NMNAT2: variants seen among roughly 807,000 people sequenced by gnomAD.
The protein encoded by NMNAT2 is nicotinamide/nicotinic acid mononucleotide adenylyltransferase 2.
Under a neutral mutation model 41.6 loss-of-function variants are expected in NMNAT2, and 11 were observed. That is an observed-to-expected ratio of 0.26 (90% CI 0.17 to 0.44). NMNAT2 has a LOEUF of 0.44. Among genes scored for constraint, NMNAT2 ranks in the 20% least tolerant of loss-of-function variants. The pLI is 1.00. For synonymous variants in NMNAT2, 148 were observed against 151.2 expected, an observed-to-expected ratio of 0.98 and a Z score of 0.16; for missense variants, 288 against 407.7, an observed-to-expected ratio of 0.71 and a Z score of 2.53.
At chr1:183,416,182 G>C (rs750072267) in intron 1 of NMNAT2, among the ~76,000 whole-genome samples, 2 of 152,226 alleles carry the variant, frequency 1.3e-5, no homozygotes, top group Non-Finnish European at 2.9e-5. Context: ...AGAATCTTCA[G>C]CTACAAGACA....
intron 1 of NMNAT2, among the ~76,000 whole-genome samples, chr1:183,404,762 G>C (rs1648908261): frequency 6.6e-6 from 1 of 152,146 alleles, no homozygotes; most frequent in African/African-American, 2.4e-5. Context: ...GTTGGTCTAG[G>C]GTGGAAGCAT....
intron 1 of NMNAT2, among the ~76,000 whole-genome samples, chr1:183,417,679 C>T (rs925204514): frequency 3.9e-5 from 6 of 152,214 alleles, no homozygotes; most frequent in African/African-American, 1.4e-4. Context: ...TCTTGAAGCC[C>T]CAGCCCCTGT....
Position 183,418,377 on chromosome 1 carries a change from C to A in NMNAT2, c.-110G>T. 1.0e-6 allele frequency: 1 copy of A among 1,001,972 alleles called. No homozygotes were observed. Among genetic ancestry groups the A allele is most frequent in the Non-Finnish European group, 1.6e-6 (1 of 641,552 alleles). The allele number at this position is 1,001,972 out of a possible 1,614,324, so 62.1% of individuals were successfully genotyped here. A position where few individuals can be genotyped will look rare whatever the true frequency, so the allele number is the denominator to read the frequency against. On this transcript the variant is annotated 5_prime_UTR_variant, in exon 1 of 11. Coordinates refer to ENST00000287713, the MANE Select transcript of NMNAT2 (RefSeq NM_015039.4). ...AGGCTCCGGCGGTGGATGCTGTGGA[C>A]TCCAAGGAGCCGCTCCAGACGCAAA...
chr1:183,390,113 G>A (rs539623696), intron 1 of NMNAT2, among the ~76,000 whole-genome samples: 13 of 152,204 alleles, frequency 8.5e-5, no homozygotes, highest in African/African-American at 2.9e-4. Context: ...GGCAGCAGTG[G>A]TACGGGAAGG....
chr1:183,296,150 G>A (rs982706628), intron 1 of NMNAT2, among the ~76,000 whole-genome samples: 24 of 151,812 alleles, frequency 1.6e-4, no homozygotes, highest in African/African-American at 4.3e-4. Flanking sequence ...GCGCCCGGCC[G>A]GCAGCTCATT....
chr1:183,263,937 C>T (rs1020519980), intron 8 of NMNAT2, among the ~76,000 whole-genome samples: 1 of 151,964 alleles, frequency 6.6e-6, no homozygotes, highest in Non-Finnish European at 1.5e-5. Flanking sequence ...GGTCTAAGTA[C>T]TGAATTAAAG....
chr1:183,382,088 A>G (rs1323419492), intron 1 of NMNAT2, among the ~76,000 whole-genome samples: 1 of 152,276 alleles, frequency 6.6e-6, no homozygotes, highest in Non-Finnish European at 1.5e-5. Context: ...ACAGTTTCAT[A>G]TGCTGCACAG....
rs180674835 is a variant in NMNAT2, at chr1:183,328,233, G to C, written c.86-34440C>G. On this transcript the variant is annotated intron_variant, in intron 1 of 10. Coordinates refer to ENST00000287713, the MANE Select transcript of NMNAT2 (RefSeq NM_015039.4). ...CGCAGGCCAGGACCCTGGCTTCCTG[G>C]CTCCCTGGCTTCCTCCCCACCCATC... Among the ~76,000 whole-genome samples the C allele has an allele frequency of 2.9e-3, 446 of 152,090 alleles. 1 individual carries two copies. The highest frequency in any genetic ancestry group is 5.2e-3 in the Non-Finnish European group (350 of 67,946).
At chr1:183,398,557 G>A (rs189612190) in intron 1 of NMNAT2, among the ~76,000 whole-genome samples, 11 of 152,066 alleles carry the variant, frequency 7.2e-5, no homozygotes, top group East Asian at 3.9e-4. Context: ...TGCACCAAGG[G>A]GACCTAATAG....
Position 183,319,084 on chromosome 1 carries a change from C to G in NMNAT2, c.86-25291G>C, listed in dbSNP as rs150409382. On this transcript the variant is annotated intron_variant, in intron 1 of 10. Coordinates refer to ENST00000287713, the MANE Select transcript of NMNAT2 (RefSeq NM_015039.4). ...CATGCCCCATACCCCCACATACACA[C>G]TACCTACCACTGTGCTGCAGCAGAA... Among the ~76,000 whole-genome samples, 267 of 152,336 alleles carry G rather than the reference C, an allele frequency of 1.8e-3. 2 individuals are homozygous for G. The highest frequency in any genetic ancestry group is 6.3e-3 in the African/African-American group (260 of 41,586).
intron 1 of NMNAT2, among the ~76,000 whole-genome samples, chr1:183,344,787 A>G (rs186994578): frequency 3.2e-4 from 48 of 152,332 alleles, no homozygotes; most frequent in Admixed American, 2.9e-3. Context: ...TACCTCATTT[A>G]AACGCTATTT....
chr1:183,364,141 C>G (rs1663365774), intron 1 of NMNAT2, among the ~76,000 whole-genome samples: 1 of 152,140 alleles, frequency 6.6e-6, no homozygotes, highest in African/African-American at 2.4e-5. Flanking sequence ...ACTAATTTTG[C>G]AATAATTTAT....
At chr1:183,278,233 G>A (rs192293602) in intron 8 of NMNAT2, among the ~76,000 whole-genome samples, 45 of 152,244 alleles carry the variant, frequency 3.0e-4, no homozygotes, top group African/African-American at 1.0e-3. Context: ...AATCTTAAAA[G>A]GGCAAAGATT....
intron 1 of NMNAT2, among the ~76,000 whole-genome samples, chr1:183,384,768 AAC>A (rs1183889014): frequency 6.6e-6 from 1 of 152,244 alleles, no homozygotes; most frequent in Admixed American, 6.5e-5. Flanking sequence ...AGCACAGAGT[AAC>A]ACAAATGTGA....
At chr1:183,260,620 C>A (rs1210219574) in intron 10 of NMNAT2, among the ~76,000 whole-genome samples, 1 of 152,072 alleles carries the variant, frequency 6.6e-6, no homozygotes, top group Non-Finnish European at 1.5e-5. Context: ...GAGTTCGAGA[C>A]CAGCCTGGCC....
chr1:183,377,465 T>C (rs1374825921), intron 1 of NMNAT2, among the ~76,000 whole-genome samples: 1 of 152,014 alleles, frequency 6.6e-6, no homozygotes, highest in Non-Finnish European at 1.5e-5. Context: ...GTACAGACAT[T>C]GACAAAAATT....
chr1:183,346,459 G>A (rs141902060), intron 1 of NMNAT2, among the ~76,000 whole-genome samples: 52 of 152,280 alleles, frequency 3.4e-4, no homozygotes, highest in African/African-American at 1.3e-3. Context: ...CTGAGCTTCT[G>A]CACGAGGCAC....
intron 1 of NMNAT2, among the ~76,000 whole-genome samples, chr1:183,318,470 G>A (rs114945791): frequency 2.0e-5 from 3 of 152,158 alleles, no homozygotes; most frequent in Non-Finnish European, 4.4e-5. Context: ...TTTTTTCCTG[G>A]CCAGTTTTGG....
chr1:183,377,707 CA>C (rs1663709122), intron 1 of NMNAT2, among the ~76,000 whole-genome samples: 1 of 151,990 alleles, frequency 6.6e-6, no homozygotes, highest in Admixed American at 6.6e-5. Context: ...CAGTTTTCAA[CA>C]ATAACAACAA....
Sources: gnomAD v4.1 joint callset for allele counts (sites outside exome capture counted in the v4.1 genomes callset) on GRCh38, gnomAD v4.1.1 for gene constraint, MANE v1.5 for transcripts, NCBI Gene and HGNC (gene_info 2026-07-23, HGNC 2026-07-21) for gene names.